The following GPM6A variants were observed in gnomAD, a reference collection of about 807,000 sequenced individuals.
The protein encoded by GPM6A is neuronal membrane glycoprotein M6-a.
In GPM6A, 7 loss-of-function variants were observed where a neutral mutation model predicts 32.1. The observed-to-expected ratio is 0.22, with a 90% confidence interval of 0.12 to 0.41. The LOEUF (loss-of-function observed/expected upper bound fraction) is 0.41, where lower values mean the gene tolerates loss of function less well. Ranked by LOEUF, GPM6A falls within the 10% of genes least tolerant of loss-of-function variation. The pLI is 1.00. For missense variants in GPM6A, 235 were observed against 347.2 expected, an observed-to-expected ratio of 0.68 and a Z score of 2.57; for synonymous variants, 130 against 123.4, an observed-to-expected ratio of 1.05 and a Z score of -0.35.
intron 6 of GPM6A, 126 bp downstream of exon 6, chr4:175,640,003 T>G (rs541622478): frequency 3.8e-5 from 31 of 809,234 alleles, no homozygotes; most frequent in Non-Finnish European, 4.6e-5. Context: ...TCCCTACTTT[T>G]TTTAATCTGA....
intron 1 of GPM6A, among the ~76,000 whole-genome samples, chr4:175,943,732 A>G (rs541146892): frequency 6.6e-6 from 1 of 152,258 alleles, no homozygotes; most frequent in African/African-American, 2.4e-5. Context: ...GATGAAGCCA[A>G]TGTGATTGTG....
intron 1 of GPM6A, among the ~76,000 whole-genome samples, chr4:175,883,055 A>G (rs1452953243): frequency 6.6e-6 from 1 of 152,150 alleles, no homozygotes; most frequent in African/African-American, 2.4e-5. Flanking sequence ...CAATGGAGAG[A>G]AGAGTAGCTC....
At chr4:175,884,662 G>A (rs1216102746) in intron 1 of GPM6A, among the ~76,000 whole-genome samples, 2 of 151,860 alleles carry the variant, frequency 1.3e-5, no homozygotes, top group Non-Finnish European at 2.9e-5. Flanking sequence ...CTCTCGAGTA[G>A]CTGGGACTAC....
intron 1 of GPM6A, among the ~76,000 whole-genome samples, chr4:175,751,167 C>T (rs57595337): frequency 0.014 from 2,190 of 151,842 alleles, 67 homozygotes; most frequent in African/African-American, 0.05. Context: ...AAATAAAATG[C>T]TTTAAAGAGT....
At chr4:175,957,550 G>T (rs1740026818) in intron 1 of GPM6A, among the ~76,000 whole-genome samples, 1 of 142,338 alleles carries the variant, frequency 7.0e-6, no homozygotes, top group African/African-American at 2.5e-5. Flanking sequence ...ACATCACACA[G>T]CAGAGTCTGT....
chr4:175,955,028 AT>A (rs910731120), intron 1 of GPM6A, among the ~76,000 whole-genome samples: 6 of 152,218 alleles, frequency 3.9e-5, no homozygotes, highest in African/African-American at 1.4e-4. Context: ...AAATTCCATG[AT>A]TTTTCGTAAG....
intron 1 of GPM6A, among the ~76,000 whole-genome samples, chr4:175,909,181 G>A (rs929544257): frequency 4.6e-5 from 7 of 151,976 alleles, no homozygotes; most frequent in Admixed American, 2.0e-4. Context: ...TCACCAATTA[G>A]CTAGTAGTCA....
intron 1 of GPM6A, among the ~76,000 whole-genome samples, chr4:175,766,874 T>C (rs1248346262): frequency 6.6e-6 from 1 of 151,916 alleles, no homozygotes; most frequent in East Asian, 1.9e-4. Context: ...AGGCTGGTCT[T>C]GAACTCCTGA....
At chr4:175,932,568 A>G (rs1157664756) in intron 1 of GPM6A, among the ~76,000 whole-genome samples, 3 of 152,308 alleles carry the variant, frequency 2.0e-5, no homozygotes, top group African/African-American at 7.2e-5. Context: ...TCTTAAAGGC[A>G]TTTTCTCATT....
chr4:175,936,778 A>G (rs1272033048), intron 1 of GPM6A, among the ~76,000 whole-genome samples: 4 of 152,154 alleles, frequency 2.6e-5, no homozygotes, highest in Non-Finnish European at 5.9e-5. Flanking sequence ...ACTCAGAGAA[A>G]CTACGTGGTA....
At chr4:175,732,413 G>T (rs1731473084) in intron 1 of GPM6A, among the ~76,000 whole-genome samples, 1 of 151,944 alleles carries the variant, frequency 6.6e-6, no homozygotes, top group Non-Finnish European at 1.5e-5. Context: ...AAATTCCAGA[G>T]CTGTATAACT....
At chr4:175,697,949 T>A (rs2111054668) in intron 2 of GPM6A, among the ~76,000 whole-genome samples, 1 of 152,330 alleles carries the variant, frequency 6.6e-6, no homozygotes, top group Admixed American at 6.5e-5. Flanking sequence ...TGGTTTGCAT[T>A]CTGGACAAGT....
At chr4:175,942,310 C>T (rs1350256658) in intron 1 of GPM6A, among the ~76,000 whole-genome samples, 1 of 151,914 alleles carries the variant, frequency 6.6e-6, no homozygotes, top group Admixed American at 6.6e-5. Flanking sequence ...CAAAAATTTT[C>T]TCCCATTCTG....
In GPM6A at chr4:175,888,354, C is replaced by G. The variant is rs545405294; in HGVS notation, c.-22-76105G>C. On this transcript the variant is annotated intron_variant, in intron 1 of 7. Transcript: ENST00000280187. ...TATTTATTTTATAAGAAACAGCATA[C>G]TACAGAGTAAATCATAAGAAGCATT... Among the ~76,000 whole-genome samples, 3 of 152,070 alleles carry G rather than the reference C, an allele frequency of 2.0e-5. No individual in the cohort carries two copies. The East Asian group carries it at 5.8e-4, about 29-fold the overall frequency.
At chr4:175,751,187 G>T (rs1449497274) in intron 1 of GPM6A, among the ~76,000 whole-genome samples, 2 of 152,174 alleles carry the variant, frequency 1.3e-5, no homozygotes, top group Non-Finnish European at 2.9e-5. Flanking sequence ...TCATAAAAAT[G>T]AATATGAGGA....
At chr4:175,793,367 TTTA>T (rs1009771948) in intron 1 of GPM6A, among the ~76,000 whole-genome samples, 14 of 94 alleles carry the variant, frequency 0.15, no homozygotes, top group Admixed American at 0.29. Flanking sequence ...TTCTATTCTA[TTTA>T]TTTATTTATT....
chr4:175,867,283 T>G (rs1253790319), intron 1 of GPM6A, among the ~76,000 whole-genome samples: 2 of 152,200 alleles, frequency 1.3e-5, no homozygotes, highest in Admixed American at 6.5e-5. Context: ...GTTTGTTTCT[T>G]TCATAAATTG....
At chr4:175,961,411 G>T (rs1420036802) in intron 1 of GPM6A, 2 of 152,136 alleles carry the variant, frequency 1.3e-5, no homozygotes, top group African/African-American at 2.4e-5. Context: ...GAGAATTGAG[G>T]TCTTGAGACA....
At chr4:175,737,395 T>A (rs1731706886) in intron 1 of GPM6A, among the ~76,000 whole-genome samples, 1 of 151,910 alleles carries the variant, frequency 6.6e-6, no homozygotes, top group Non-Finnish European at 1.5e-5. Flanking sequence ...TAATCCCAGC[T>A]ACTCAGGAGG....
Sources: gnomAD v4.1 joint callset for allele counts (sites outside exome capture counted in the v4.1 genomes callset) on GRCh38, gnomAD v4.1.1 for gene constraint, MANE v1.5 for transcripts, NCBI Gene and HGNC (gene_info 2026-07-23, HGNC 2026-07-21) for gene names.